Variants in KIF1B observed in about 807,000 individuals in gnomAD.
The protein encoded by KIF1B is kinesin family member 1B.
A neutral mutation model predicts 241.9 loss-of-function variants in KIF1B; 76 were observed. The ratio of observed to expected loss-of-function variants is 0.31; its 90% confidence interval spans 0.26 to 0.38. KIF1B has a LOEUF of 0.38. Among genes scored for constraint, KIF1B ranks in the 10% least tolerant of loss-of-function variants. The pLI, the probability that KIF1B is intolerant of heterozygous loss-of-function variation, is 1.00. For synonymous variants in KIF1B, 750 were observed against 796.7 expected (o/e 0.94, Z 0.99); for missense variants, 1,622 against 2,271.4 (o/e 0.71, Z 5.81).
chr1:10,329,738 G>GA (rs35402868), intron 27 of KIF1B, among the ~76,000 whole-genome samples: 52,573 of 150,974 alleles, frequency 0.35, 9,266 homozygotes, highest in Middle Eastern at 0.38. Context: ...TGTCTAGGGG[G>GA]AAAAAAAAAT....
intron 1 of KIF1B, among the ~76,000 whole-genome samples, 179 bp from the exon 2 acceptor site, chr1:10,232,071 C>A (rs148621709): frequency 2.3e-3 from 344 of 152,026 alleles, no homozygotes; most frequent in Non-Finnish European, 4.0e-3. Flanking sequence ...CATAACAAGA[C>A]CCCATCTCTT....
Position 10,268,278 on chromosome 1 carries a change from G to T in KIF1B, c.720+15G>T. On this transcript the variant is annotated intron_variant, in intron 7 of 48. Transcript: ENST00000676179. ...CCACTGAGAAGGTAGGAGAGTTTCA[G>T]TCTCTAGGCTTGAGTTGTGAAGGAT... 1 of 1,520,154 alleles carries T rather than the reference G, an allele frequency of 6.6e-7. No individual in the cohort carries two copies. The highest frequency in any genetic ancestry group is 9.1e-7 in the Non-Finnish European group (1 of 1,094,564). 94.2% of individuals were successfully genotyped at this position (1,520,154 alleles called of 1,614,324 possible).
chr1:10,342,008 T>A (rs1429618503), intron 32 of KIF1B, 42 bp from the exon 33 acceptor site: 1 of 1,293,814 alleles, frequency 7.7e-7, no homozygotes, highest in Non-Finnish European at 1.1e-6. Context: ...AGCAAAAATG[T>A]GTATTTTCTT....
At chr1:10,256,981 G>T (rs1647826257) in intron 3 of KIF1B, among the ~76,000 whole-genome samples, 1 of 151,972 alleles carries the variant, frequency 6.6e-6, no homozygotes, top group Non-Finnish European at 1.5e-5. Context: ...CAAAGTGCTG[G>T]GATTACAGGT....
chr1:10,219,466 T>TA (rs1646811650), intron 1 of KIF1B, among the ~76,000 whole-genome samples: 1 of 126,518 alleles, frequency 7.9e-6, no homozygotes, highest in Non-Finnish European at 1.7e-5. Flanking sequence ...ATCTTAAAAG[T>TA]AAAAAATAGG....
At chr1:10,213,121 C>T (rs997482) in intron 1 of KIF1B, among the ~76,000 whole-genome samples, 19,613 of 151,380 alleles carry the variant, frequency 0.13, 1,381 homozygotes, top group South Asian at 0.18. Context: ...AAATTCCATG[C>T]CCTAAGTTAG....
At chr1:10,215,238 G>A (rs1275571358) in intron 1 of KIF1B, among the ~76,000 whole-genome samples, 6 of 134,702 alleles carry the variant, frequency 4.5e-5, no homozygotes, top group Non-Finnish European at 9.3e-5. Flanking sequence ...GTGCAACGGC[G>A]CGATCTCGGC....
At chr1:10,307,182 T>A (rs564393204) in intron 22 of KIF1B, 184 of 1,030,640 alleles carry the variant, frequency 1.8e-4, no homozygotes, top group Non-Finnish European at 2.1e-4. Context: ...GATGCATTTC[T>A]GAGCAAATGC....
intron 1 of KIF1B, among the ~76,000 whole-genome samples, chr1:10,229,381 C>T (rs978791238): frequency 2.0e-5 from 3 of 151,996 alleles, no homozygotes; most frequent in African/African-American, 7.2e-5. Context: ...AAATGTATGT[C>T]ATTCATTTCA....
chr1:10,240,817 G>T (rs952279348), intron 2 of KIF1B, among the ~76,000 whole-genome samples: 19 of 146,710 alleles, frequency 1.3e-4, no homozygotes, highest in Non-Finnish European at 3.0e-5. Context: ...TCCTACCTTG[G>T]CTTCCTAAAA....
In KIF1B at chr1:10,303,522, C is replaced by A; in HGVS notation, c.2115+6276C>A. 6.2e-7 allele frequency: 1 copy of A among 1,614,150 alleles called. No homozygotes were observed. The highest frequency in any genetic ancestry group is 8.5e-7 in the Non-Finnish European group (1 of 1,180,042). ...GTGCCATGTATGGCAAGAAAGACCCCAATGAGCGGGACTCCTGGAGGGCAG... is the reference window on the plus strand; with the variant it reads ...GTGCCATGTATGGCAAGAAAGACCCAAATGAGCGGGACTCCTGGAGGGCAG... On this transcript the variant is annotated intron_variant, in intron 22 of 48. Coordinates refer to ENST00000676179, the MANE Select transcript of KIF1B (RefSeq NM_001365951.3). The surrounding 1 kb of genome is among the most constrained non-coding windows in gnomAD (Gnocchi z 5.2).
intron 38 of KIF1B, among the ~76,000 whole-genome samples, chr1:10,360,026 C>G (rs887663820): frequency 1.3e-5 from 2 of 151,666 alleles, no homozygotes; most frequent in Non-Finnish European, 2.9e-5. Context: ...GAGTGAAACT[C>G]CGTCTCAAAA....
At chr1:10,305,204 C>A (rs888241883) in intron 22 of KIF1B, 1 of 1,046,316 alleles carries the variant, frequency 9.6e-7, no homozygotes, top group Admixed American at 5.4e-5. Context: ...GGTCTTCAAA[C>A]ATATCTTGCA....
At chr1:10,229,747 G>C (rs1646954237) in intron 1 of KIF1B, among the ~76,000 whole-genome samples, 1 of 151,556 alleles carries the variant, frequency 6.6e-6, no homozygotes, top group Non-Finnish European at 1.5e-5. Flanking sequence ...TGTAGCCCCA[G>C]CTACTCAGGA....
chr1:10,304,046 A>G, intron 22 of KIF1B: 3 of 1,611,406 alleles, frequency 1.9e-6, no homozygotes, highest in Non-Finnish European at 2.5e-6. Context: ...ATCCCTCCTG[A>G]GAACCGGAAG....
At chr1:10,272,864 C>T in intron 9 of KIF1B, 150 bp from the exon 10 acceptor site, 1 of 591,274 alleles carries the variant, frequency 1.7e-6, no homozygotes, top group Non-Finnish European at 2.9e-6. Flanking sequence ...AGTTTAAAAC[C>T]TCTTTTTAAT....
At chr1:10,249,827 C>T (rs1387138978) in intron 2 of KIF1B, among the ~76,000 whole-genome samples, 2 of 152,154 alleles carry the variant, frequency 1.3e-5, no homozygotes, top group African/African-American at 4.8e-5. Flanking sequence ...CACTTGAGCC[C>T]AGGAGGCTGA....
chr1:10,274,686 T>C (rs1649006775), intron 10 of KIF1B, among the ~76,000 whole-genome samples: 1 of 151,966 alleles, frequency 6.6e-6, no homozygotes, highest in Admixed American at 6.6e-5. Flanking sequence ...TGCACAAGAT[T>C]AGTATTTTCC....
chr1:10,300,420 T>A (rs997079357), intron 22 of KIF1B, among the ~76,000 whole-genome samples: 1 of 151,848 alleles, frequency 6.6e-6, no homozygotes, highest in Non-Finnish European at 1.5e-5. Flanking sequence ...AAAATGGCAG[T>A]ATTTTAAAAA....
Sources: allele counts gnomAD v4.1 joint callset (sites outside exome capture counted in the v4.1 genomes callset), GRCh38; gene constraint gnomAD v4.1.1; non-coding constraint Gnocchi (gnomAD v3.1); transcripts MANE v1.5; gene names NCBI Gene and HGNC (gene_info 2026-07-23, HGNC 2026-07-21).